Variants in TNPO3 observed in about 807,000 individuals in gnomAD.
TNPO3 encodes transportin 3.
In TNPO3, 65 loss-of-function variants were observed where a neutral mutation model predicts 122.8. The observed-to-expected ratio is 0.53, with a 90% CI of 0.43 to 0.65. The LOEUF (loss-of-function observed/expected upper bound fraction) is 0.65, where lower values mean the gene tolerates loss of function less well. Ranked by LOEUF, TNPO3 falls within the 30% of genes least tolerant of loss-of-function variation. TNPO3 has a pLI of 0.00. For missense variants in TNPO3, 850 were observed against 1,136.7 expected (o/e 0.75, Z 3.63); for synonymous variants, 372 against 411.2 (o/e 0.90, Z 1.15).
At position 129,054,651 on chromosome 7, in the gene TNPO3, C is replaced by T; in HGVS notation, c.120G>A (p.Ser40=). ...ASFWLGELQR[S]VHAWEISDQL... is the part of the protein sequence containing the mutation. ...AGAACTGCCTCTCTGGGCCCCTCAC[C>T]GAACGCTGCAGCTCCCCAAGCCAAA... Residue 40 remains serine, a splice_region_variant and synonymous_variant, in exon 1 of 23, where the codon TCG becomes TCA. Coordinates refer to ENST00000265388, the MANE Select transcript of TNPO3 (RefSeq NM_012470.4). 2 of 1,613,782 alleles carry T rather than the reference C, an allele frequency of 1.2e-6. No individual in the cohort carries two copies. Among genetic ancestry groups the T allele is most frequent in the East Asian group, 2.2e-5 (1 of 44,880 alleles).
In TNPO3 at chr7:128,982,342, C is replaced by T. The variant is rs1281369584; in HGVS notation, c.1783-18G>A. The T allele has an allele frequency of 6.2e-6, 10 of 1,607,118 alleles. No homozygotes were observed. Among genetic ancestry groups the T allele is most frequent in the South Asian group, 5.5e-5 (5 of 90,930 alleles). Reference sequence around the variant, plus strand: ...GACAACAGCTGAAGAGACAAAAGGACATTAACACCCAATTGTCACATGTAC... The same window carrying T: ...GACAACAGCTGAAGAGACAAAAGGATATTAACACCCAATTGTCACATGTAC... On this transcript the variant is annotated intron_variant, in intron 13 of 22. Coordinates refer to ENST00000265388, the MANE Select transcript of TNPO3 (RefSeq NM_012470.4).
chr7:129,005,833 G>C (rs1802520636), intron 4 of TNPO3, among the ~76,000 whole-genome samples: 1 of 147,106 alleles, frequency 6.8e-6, no homozygotes, highest in Non-Finnish European at 1.5e-5. Flanking sequence ...CCAGGCTGGA[G>C]TGCAGTGCCA....
chr7:128,967,374 C>T lies in TNPO3; in HGVS notation c.2617G>A (p.Glu873Lys), dbSNP rs1480171115. Residue 873 changes from glutamate to lysine, a missense_variant, in exon 21 of 23, where the codon GAA becomes AAA. Glu to Lys is a moderately conservative substitution (Grantham distance 56). Transcript: ENST00000265388. Reference protein sequence around the residue: ...VDRPTFCRWLENSLKGLPKET... With the variant: ...VDRPTFCRWLKNSLKGLPKET... ...TTTGGCAAACCTTTTAAGGAATTTT[C>T]TAACCATCGACAAAAAGTCTGTATA... The T allele has an allele frequency of 1.2e-6, 2 of 1,613,386 alleles. No individual in the cohort carries two copies.
chr7:128,982,159 A>C (rs1799687484), intron 14 of TNPO3, 89 bp downstream of exon 14: 11 of 1,124,358 alleles, frequency 9.8e-6, no homozygotes, highest in Admixed American at 2.1e-5. Context: ...ACTTGGAAGT[A>C]TGAGGAAAAA....
chr7:129,026,196 T>C (rs1805147572), intron 1 of TNPO3, among the ~76,000 whole-genome samples: 1 of 151,514 alleles, frequency 6.6e-6, no homozygotes, highest in Non-Finnish European at 1.5e-5. Context: ...TTCTCAATTA[T>C]CTGTACTTCT....
chr7:128,997,817 A>T (rs996766640), intron 7 of TNPO3, among the ~76,000 whole-genome samples: 2 of 152,080 alleles, frequency 1.3e-5, no homozygotes, highest in Non-Finnish European at 2.9e-5. Flanking sequence ...AGAGAAAACA[A>T]TAACAGACAT....
At chr7:129,005,185 GAAT>G (rs1563100438) in intron 4 of TNPO3, 26 bp from the exon 5 acceptor site, 4 of 1,587,856 alleles carry the variant, frequency 2.5e-6, no homozygotes, top group Admixed American at 3.4e-5. Context: ...AACTTAAAAT[GAAT>G]AATGTTAATC....
intron 1 of TNPO3, 28 bp from the exon 2 acceptor site, chr7:129,018,185 TAAAG>T: frequency 6.2e-7 from 1 of 1,601,894 alleles, no homozygotes; most frequent in Non-Finnish European, 8.5e-7. Context: ...AAAGATGTCT[TAAAG>T]AAGACTACTT....
chr7:129,028,049 A>T (rs1805470521), intron 1 of TNPO3, among the ~76,000 whole-genome samples: 1 of 152,224 alleles, frequency 6.6e-6, no homozygotes, highest in African/African-American at 2.4e-5. Context: ...GAAATTTCCC[A>T]AATATGTGGA....
Position 129,045,733 on chromosome 7 carries a change from C to T in TNPO3, c.120+8918G>A, listed in dbSNP as rs1173503337. The stretch of plus-strand genomic sequence containing the variant: ...CAAACTATCAACTTTGGCCCAAGGC[C>T]TGGCAAGACAAGAAACTAATCAAAA... On this transcript the variant is annotated intron_variant, in intron 1 of 22. Coordinates refer to ENST00000265388, the MANE Select transcript of TNPO3 (RefSeq NM_012470.4). 2.6e-5 allele frequency among the ~76,000 whole-genome samples: 4 copies of T among 152,262 alleles called. No homozygotes were observed. The East Asian group carries it at 7.7e-4, about 29-fold the overall frequency.
chr7:129,016,091 A>G (rs926720539), intron 3 of TNPO3, among the ~76,000 whole-genome samples: 1 of 152,134 alleles, frequency 6.6e-6, no homozygotes, highest in Non-Finnish European at 1.5e-5. Context: ...TCTCCAAAAA[A>G]ATAAAAATAA....
intron 19 of TNPO3, chr7:128,970,702 T>G (rs938904071): frequency 1.3e-5 from 2 of 157,442 alleles, no homozygotes; most frequent in African/African-American, 4.8e-5. Context: ...AAATAACTTG[T>G]GTTCCTATTT....
At chr7:129,008,106 G>A (rs541821818) in intron 4 of TNPO3, among the ~76,000 whole-genome samples, 7 of 151,500 alleles carry the variant, frequency 4.6e-5, no homozygotes, top group East Asian at 1.9e-4. Context: ...CTGAGATTGC[G>A]CCATGGTACT....
chr7:129,024,427 A>T (rs993901631), intron 1 of TNPO3, among the ~76,000 whole-genome samples: 5 of 152,316 alleles, frequency 3.3e-5, no homozygotes, highest in African/African-American at 1.2e-4. Context: ...CAAATTCCTG[A>T]TCAACAAAGT....
intron 1 of TNPO3, among the ~76,000 whole-genome samples, chr7:129,034,958 C>G (rs1806431360): frequency 6.8e-6 from 1 of 147,852 alleles, no homozygotes; most frequent in East Asian, 2.0e-4. Context: ...AAGGAAACAT[C>G]ATTTATCTCT....
chr7:128,967,226 GAT>G (rs1374984304), intron 21 of TNPO3, 52 bp downstream of exon 21: 1 of 1,104,954 alleles, frequency 9.1e-7, no homozygotes, highest in Non-Finnish European at 1.4e-6. Flanking sequence ...AAGAAATAAA[GAT>G]ATGTTTCTTC....
chr7:128,974,879 C>G lies in TNPO3; in HGVS notation c.2262G>C (p.Arg754=). 6 of 1,613,992 alleles carry G rather than the reference C, an allele frequency of 3.7e-6. No individual in the cohort carries two copies. Among genetic ancestry groups the G allele is most frequent in the African/African-American group, 1.3e-5 (1 of 75,020 alleles). Residue 754 remains arginine, a synonymous_variant, in exon 18 of 23, where the codon CGG becomes CGC. Transcript: ENST00000265388. Reference sequence around the variant, plus strand: ...TCAGAAGGATTTACCTGGTGGCTAGCCGGAACAGGTCATCTACAGTGTCAG... The same window carrying G: ...TCAGAAGGATTTACCTGGTGGCTAGGCGGAACAGGTCATCTACAGTGTCAG... The part of the protein sequence containing the change: ...NHPDTVDDLF[R]LATRFIQRSP...
At chr7:128,975,996 AGCTGT>A in intron 16 of TNPO3, 61 bp from the exon 17 acceptor site, 1 of 1,151,368 alleles carries the variant, frequency 8.7e-7, no homozygotes, top group African/African-American at 1.5e-5. Flanking sequence ...CAACTTACGA[AGCTGT>A]CTCCAGGAAG....
chr7:128,982,671 T>C (rs1250682255), intron 13 of TNPO3, among the ~76,000 whole-genome samples: 2 of 151,996 alleles, frequency 1.3e-5, no homozygotes, highest in Non-Finnish European at 2.9e-5. Flanking sequence ...TGTTACACAA[T>C]ATGTAAAAGA....
Sources: gnomAD v4.1 joint callset for allele counts (sites outside exome capture counted in the v4.1 genomes callset) on GRCh38, gnomAD v4.1.1 for gene constraint, MANE v1.5 for transcripts, NCBI Gene and HGNC (gene_info 2026-07-23, HGNC 2026-07-21) for gene names.